The following ZFP90 variants were observed in gnomAD, a reference collection of about 807,000 sequenced individuals.
ZFP90 encodes zinc finger protein 90 homolog.
A neutral mutation model predicts 60.8 loss-of-function variants in ZFP90; 38 were observed. The observed-to-expected ratio is 0.62, with a 90% CI of 0.48 to 0.82. ZFP90 has a LOEUF of 0.82. ZFP90 is among the 40% of genes least tolerant of loss of function. ZFP90 has a pLI of 0.00. For missense variants in ZFP90, 711 were observed against 759.1 expected (o/e 0.94, Z 0.74); for synonymous variants, 287 against 264.8 (o/e 1.08, Z -0.82).
chr16:68,562,955 G>A (rs931132327), intron 4 of ZFP90, 89 bp from the exon 5 acceptor site: 5 of 1,567,652 alleles, frequency 3.2e-6, no homozygotes, highest in Non-Finnish European at 4.3e-6. Flanking sequence ...AGAGTCATAT[G>A]TAACTTATAT....
chr16:68,543,074 G>A (rs2091080689), intron 2 of ZFP90, among the ~76,000 whole-genome samples: 1 of 152,126 alleles, frequency 6.6e-6, no homozygotes, highest in African/African-American at 2.4e-5. Context: ...AAAATGATGT[G>A]GTCAGGGTAA....
intron 2 of ZFP90, chr16:68,557,101 G>A: frequency 2.3e-6 from 1 of 436,984 alleles, no homozygotes; most frequent in Non-Finnish European, 4.6e-6. Context: ...GATCCTTCCA[G>A]CTCAGCCTCC....
chr16:68,562,864 G>A, intron 4 of ZFP90, 180 bp from the exon 5 acceptor site: 2 of 1,376,296 alleles, frequency 1.5e-6, no homozygotes, highest in Non-Finnish European at 2.0e-6. Flanking sequence ...CTCTGAATCT[G>A]CAGTCTTTGC....
intron 2 of ZFP90, 29 bp from the exon 3 acceptor site, chr16:68,557,969 C>T: frequency 6.2e-7 from 1 of 1,612,706 alleles, no homozygotes; most frequent in Non-Finnish European, 8.5e-7. Flanking sequence ...GGGGTTGATC[C>T]CCAGTTGAAC....
Position 68,564,851 on chromosome 16 carries a change from T to TTG in ZFP90, c.*154_*155insGT. On this transcript the variant is annotated 3_prime_UTR_variant, in exon 5 of 5. Coordinates refer to ENST00000563169, the MANE Select transcript of ZFP90 (RefSeq NM_001305203.2). ...ACTGCCAGTAGACAGATTTTTTTTT[T>TTG]TTAACATAAAGACACATTCTCAGAT... is the stretch of plus-strand genomic sequence containing the variant. 1 of 1,407,798 alleles carries TTG rather than the reference T, an allele frequency of 7.1e-7. No individual in the cohort carries two copies. Among genetic ancestry groups the TTG allele is most frequent in the Non-Finnish European group, 9.2e-7 (1 of 1,087,470 alleles). The allele number at this position is 1,407,798 out of a possible 1,614,324, so 87.2% of individuals were successfully genotyped here. A position where few individuals can be genotyped will look rare whatever the true frequency, so the allele number is the denominator to read the frequency against.
chr16:68,566,548 T>C lies in ZFP90; in HGVS notation c.*1850T>C. On this transcript the variant is annotated 3_prime_UTR_variant, in exon 5 of 5. Transcript: ENST00000563169. ...GGGGCTGAAATGTAATATGTGTAGCTCAATTAGTCTCTCCTCTGTGATGCA... is the reference window on the plus strand; with the variant it reads ...GGGGCTGAAATGTAATATGTGTAGCCCAATTAGTCTCTCCTCTGTGATGCA... The C allele has an allele frequency of 1.0e-6, 1 of 985,560 alleles. No individual in the cohort carries two copies. The highest frequency in any genetic ancestry group is 1.2e-6 in the Non-Finnish European group (1 of 829,940). The allele number at this position is 985,560 out of a possible 1,614,324, so 61.1% of individuals were successfully genotyped here.
Position 68,564,663 on chromosome 16 carries a change from A to G in ZFP90, c.1876A>G (p.Lys626Glu). 2 of 1,612,806 alleles carry G rather than the reference A, an allele frequency of 1.2e-6. No homozygotes were observed. Among genetic ancestry groups the G allele is most frequent in the Non-Finnish European group, 1.7e-6 (2 of 1,179,612 alleles). Residue 626 changes from lysine (K) to glutamate (E), a missense_variant, in exon 5 of 5, where the codon AAA becomes GAA. Transcript: ENST00000563169. ...CTTCAGCCGAAGTTCAGCTCTTACT[A>G]AACACCAGAGAATTCATACTCGAAA... ...KNFSRSSALT[K>E]HQRIHTRNKL
upstream of ZFP90, among the ~76,000 whole-genome samples, chr16:68,534,740 C>G (rs1489186456): frequency 6.6e-6 from 1 of 151,454 alleles, no homozygotes; most frequent in Non-Finnish European, 1.5e-5. Flanking sequence ...CCTGTCTCTA[C>G]TAAAAATACA....
chr16:68,554,442 G>A (rs1419458961), intron 2 of ZFP90, among the ~76,000 whole-genome samples: 4 of 152,156 alleles, frequency 2.6e-5, no homozygotes, highest in African/African-American at 7.2e-5. Flanking sequence ...CAGCCTGGCT[G>A]CAGTGAAGTG....
chr16:68,533,533 C>T (rs2090940979), intron 1 of ZFP90, among the ~76,000 whole-genome samples: 1 of 152,310 alleles, frequency 6.6e-6, no homozygotes, highest in South Asian at 2.1e-4. Flanking sequence ...CATTTTCCTT[C>T]CATTTGAAAG....
chr16:68,573,124 C>CA (rs2091576358), intron 2 of ZFP90, among the ~76,000 whole-genome samples: 1 of 152,200 alleles, frequency 6.6e-6, no homozygotes, highest in Non-Finnish European at 1.5e-5. Context: ...CTCTAAAACC[C>CA]AGATGTATGT....
intron 2 of ZFP90, among the ~76,000 whole-genome samples, chr16:68,540,381 G>A (rs1040378630): frequency 6.6e-6 from 1 of 152,134 alleles, no homozygotes; most frequent in Non-Finnish European, 1.5e-5. Flanking sequence ...AGAGCTTTTT[G>A]TGTCTGTCCT....
At chr16:68,536,357 T>C (rs535119139), upstream of ZFP90, among the ~76,000 whole-genome samples, 11 of 152,182 alleles carry the variant, frequency 7.2e-5, no homozygotes, top group Non-Finnish European at 1.3e-4. Context: ...CCAGCTGGAG[T>C]ACAGTGGCAC....
chr16:68,565,862 C>G lies in ZFP90; in HGVS notation c.*1164C>G. On this transcript the variant is annotated 3_prime_UTR_variant, in exon 5 of 5. Transcript: ENST00000563169. The stretch of plus-strand genomic sequence containing the variant: ...TAACTTGGCTAGGTATGGTGTCTCA[C>G]ACCTGTAATCCCAGCACTTTGGGTG... The G allele has an allele frequency of 1.0e-6, 1 of 984,212 alleles. No individual in the cohort carries two copies. The highest frequency in any genetic ancestry group is 1.2e-6 in the Non-Finnish European group (1 of 828,978). 61.0% of individuals were successfully genotyped at this position (984,212 alleles called of 1,614,324 possible).
At position 68,563,729 on chromosome 16, in the gene ZFP90, CTG is replaced by C; in HGVS notation, c.945_946del (p.Cys315TrpfsTer26). On this transcript the variant is annotated frameshift_variant, in exon 5 of 5. Transcript: ENST00000563169. LOFTEE classifies it high-confidence loss of function. ...TGEKPYQCSLCGKAFQRSSSL... is the reference protein window; with the variant it reads ...TGEKPYQCSLXGKAFQRSSSL... ...GAGAGAAACCCTATCAGTGTAGTCT[CTG>C]TGGGAAAGCCTTCCAGCGCAGCTCC... The C allele has an allele frequency of 1.2e-6, 2 of 1,610,472 alleles. No homozygotes were observed. Among genetic ancestry groups the C allele is most frequent in the Non-Finnish European group, 1.7e-6 (2 of 1,178,544 alleles).
intron 2 of ZFP90, among the ~76,000 whole-genome samples, chr16:68,555,422 C>T (rs1239277460): frequency 4.6e-5 from 7 of 152,106 alleles, no homozygotes; most frequent in African/African-American, 1.7e-4. Context: ...GGCAGAGGAG[C>T]CAGTATGGTG....
chr16:68,534,333 A>G (rs2090946472), upstream of ZFP90, among the ~76,000 whole-genome samples: 1 of 146,566 alleles, frequency 6.8e-6, no homozygotes, highest in Admixed American at 6.9e-5. Flanking sequence ...GGTTCAAGTG[A>G]TTCTCCTGCC....
chr16:68,551,415 CTTTT>C lies in ZFP90; in HGVS notation c.34-6563_34-6560del, dbSNP rs10538200. Among the ~76,000 whole-genome samples, 157 of 123,024 alleles carry C rather than the reference CTTTT, an allele frequency of 1.3e-3. 13 individuals are homozygous for C. The highest frequency in any genetic ancestry group is 2.7e-3 in the South Asian group (11 of 4,076). The allele number at this position is 123,024 out of a possible 152,430, so 80.7% of individuals were successfully genotyped here. ...GCATAAGGAAAGGGAACATGTGATC[CTTTT>C]TTTTTTTTTTTTTTTTTTTGGAGAC... On this transcript the variant is annotated intron_variant, in intron 2 of 4. Coordinates refer to ENST00000563169, the MANE Select transcript of ZFP90 (RefSeq NM_001305203.2).
At chr16:68,570,610 C>G (rs918827566), downstream of ZFP90, among the ~76,000 whole-genome samples, 4 of 152,204 alleles carry the variant, frequency 2.6e-5, no homozygotes, top group South Asian at 2.1e-4. Flanking sequence ...GAGGGTCTTA[C>G]GCTAATGAGC....
Sources: gnomAD v4.1 joint callset for allele counts (sites outside exome capture counted in the v4.1 genomes callset) on GRCh38, gnomAD v4.1.1 for gene constraint, MANE v1.5 for transcripts, NCBI Gene and HGNC (gene_info 2026-07-23, HGNC 2026-07-21) for gene names.